Variants in PKHD1 observed in about 807,000 individuals in gnomAD.
The protein encoded by PKHD1 is fibrocystin.
PKHD1 carries 291 observed loss-of-function variants against 412.0 expected under a neutral mutation model. The ratio of observed to expected loss-of-function variants is 0.71; its 90% CI spans 0.64 to 0.78. PKHD1 has a LOEUF of 0.78. PKHD1 is among the 30% of genes least tolerant of loss of function. The pLI is 0.00. For missense variants in PKHD1, 4,825 were observed against 4,950.7 expected, an observed-to-expected ratio of 0.97 and a Z score of 0.76; for synonymous variants, 1,777 against 1,821.5, an observed-to-expected ratio of 0.98 and a Z score of 0.62.
At chr6:51,790,510 G>T (rs1318142849) in intron 53 of PKHD1, among the ~76,000 whole-genome samples, 1 of 152,090 alleles carries the variant, frequency 6.6e-6, no homozygotes, top group African/African-American at 2.4e-5. Context: ...AGCTACCCAG[G>T]GAGCCACAAA....
intron 47 of PKHD1, 76 bp downstream of exon 47, chr6:51,870,428 G>T: frequency 8.5e-7 from 1 of 1,178,142 alleles, no homozygotes; most frequent in African/African-American, 1.5e-5. Context: ...GATTCACAAA[G>T]TATTTGCCAC....
chr6:51,695,516 T>C (rs1778695626), intron 60 of PKHD1, among the ~76,000 whole-genome samples: 2 of 152,096 alleles, frequency 1.3e-5, no homozygotes, highest in Non-Finnish European at 2.9e-5. Context: ...AGTCCATAGT[T>C]TATTAAATTG....
chr6:51,903,671 C>CA lies in PKHD1; in HGVS notation c.6921dup (p.Ala2308CysfsTer8), dbSNP rs774368734. 6.2e-7 allele frequency: 1 copy of CA among 1,610,664 alleles called. No homozygotes were observed. Among genetic ancestry groups the CA allele is most frequent in the African/African-American group, 1.3e-5 (1 of 74,680 alleles). ...ATTTCAGGATTGGAGAGTCCCTCGG[C>CA]ACCAGAAACCTGGATGATCACGTTG... On this transcript the variant is annotated frameshift_variant, in exon 43 of 67. Coordinates refer to ENST00000371117, the MANE Select transcript of PKHD1 (RefSeq NM_138694.4). LOFTEE classifies it high-confidence loss of function.
chr6:52,051,939 G>A (rs1806916046), intron 21 of PKHD1, among the ~76,000 whole-genome samples: 1 of 152,116 alleles, frequency 6.6e-6, no homozygotes, highest in African/African-American at 2.4e-5. Flanking sequence ...AATAAGCAAT[G>A]ACCCAGATGT....
chr6:52,035,725 T>C lies in PKHD1; in HGVS notation c.3098-4A>G, dbSNP rs1803840233. ...CGGATGGTGGCCCAGAGCCCTCCTG[T>C]AACAAAAACAGCATATTCAAATGGG... is the stretch of plus-strand genomic sequence containing the variant. On this transcript the variant is annotated splice_polypyrimidine_tract_variant and splice_region_variant and intron_variant, in intron 27 of 66. Transcript: ENST00000371117. The C allele has an allele frequency of 1.2e-6, 2 of 1,613,734 alleles. No individual in the cohort carries two copies. The highest frequency in any genetic ancestry group is 1.7e-6 in the Non-Finnish European group (2 of 1,179,754).
intron 35 of PKHD1, among the ~76,000 whole-genome samples, chr6:51,995,957 G>A (rs919818847): frequency 6.6e-6 from 1 of 151,872 alleles, no homozygotes; most frequent in Non-Finnish European, 1.5e-5. Flanking sequence ...CAATGCCTGG[G>A]ACCCTCTGAG....
intron 35 of PKHD1, among the ~76,000 whole-genome samples, chr6:51,982,879 AT>A (rs1795709432): frequency 6.0e-5 from 3 of 50,210 alleles, no homozygotes; most frequent in African/African-American, 6.9e-5. Context: ...ATAAAATAAA[AT>A]AAAATAAAAT....
intron 35 of PKHD1, among the ~76,000 whole-genome samples, chr6:51,990,647 C>T (rs1044679197): frequency 1.3e-5 from 2 of 152,130 alleles, no homozygotes; most frequent in African/African-American, 4.8e-5. Context: ...TGTAGCATTG[C>T]TCTTATTTCA....
chr6:51,758,306 C>T (rs950637971), intron 55 of PKHD1, among the ~76,000 whole-genome samples: 7 of 152,084 alleles, frequency 4.6e-5, no homozygotes, highest in African/African-American at 1.4e-4. Context: ...GCCCCTTCCA[C>T]GTCTATGTCC....
intron 60 of PKHD1, among the ~76,000 whole-genome samples, chr6:51,727,820 C>T (rs183667310): frequency 2.9e-4 from 44 of 152,254 alleles, no homozygotes; most frequent in Non-Finnish European, 6.0e-4. Context: ...CAGGAAATGG[C>T]CTCTTCCTGG....
intron 60 of PKHD1, among the ~76,000 whole-genome samples, chr6:51,694,445 G>T (rs145354982): frequency 6.7e-6 from 1 of 150,328 alleles, no homozygotes. Flanking sequence ...ATGCAGTGGC[G>T]TGATCTCGGC....
chr6:52,063,076 T>C (rs1412608222), intron 13 of PKHD1, among the ~76,000 whole-genome samples: 1 of 152,170 alleles, frequency 6.6e-6, no homozygotes, highest in Non-Finnish European at 1.5e-5. Flanking sequence ...GAAATTCAAT[T>C]CTCTAAAGTC....
At chr6:51,758,381 G>C (rs1787425124) in intron 55 of PKHD1, among the ~76,000 whole-genome samples, 1 of 152,088 alleles carries the variant, frequency 6.6e-6, no homozygotes, top group South Asian at 2.1e-4. Context: ...AGTTGGTTCT[G>C]CTAGTCAAAT....
chr6:52,081,708 T>C (rs1812062476), intron 4 of PKHD1, among the ~76,000 whole-genome samples: 1 of 152,136 alleles, frequency 6.6e-6, no homozygotes, highest in African/African-American at 2.4e-5. Flanking sequence ...AGGGAAAAGG[T>C]GGCATTTGTG....
intron 55 of PKHD1, among the ~76,000 whole-genome samples, chr6:51,759,485 A>G (rs1038183258): frequency 6.6e-6 from 1 of 152,138 alleles, no homozygotes; most frequent in South Asian, 2.1e-4. Flanking sequence ...ATAGCTAGGA[A>G]AAGCCAAACA....
At chr6:51,835,277 C>T (rs1769000642) in intron 51 of PKHD1, among the ~76,000 whole-genome samples, 1 of 152,104 alleles carries the variant, frequency 6.6e-6, no homozygotes, top group Non-Finnish European at 1.5e-5. Flanking sequence ...CAGAAGGGGG[C>T]CTGGCATGAG....
intron 60 of PKHD1, among the ~76,000 whole-genome samples, chr6:51,706,481 T>TTAA (rs1780032664): frequency 7.1e-6 from 1 of 140,926 alleles, no homozygotes; most frequent in Non-Finnish European, 1.5e-5. Context: ...TCTCCCATGG[T>TTAA]AAAAAAAAAA....
chr6:51,723,498 T>G (rs1476247638), intron 60 of PKHD1, among the ~76,000 whole-genome samples: 1 of 152,226 alleles, frequency 6.6e-6, no homozygotes, highest in East Asian at 1.9e-4. Context: ...ATAAGACTAT[T>G]GACTATTGAA....
intron 53 of PKHD1, among the ~76,000 whole-genome samples, chr6:51,789,411 C>T (rs1793388000): frequency 6.6e-6 from 1 of 151,930 alleles, no homozygotes; most frequent in Non-Finnish European, 1.5e-5. Context: ...ATTATATATA[C>T]ATGTATATCT....
Sources: gnomAD v4.1 joint callset for allele counts (sites outside exome capture counted in the v4.1 genomes callset) on GRCh38, gnomAD v4.1.1 for gene constraint, MANE v1.5 for transcripts, NCBI Gene and HGNC (gene_info 2026-07-23, HGNC 2026-07-21) for gene names.